The following LHFPL3 variants were observed in gnomAD, a reference collection of about 807,000 sequenced individuals.
The protein encoded by LHFPL3 is LHFPL tetraspan subfamily member 3, also known as LHFPL tetraspan subfamily member 3 protein.
In LHFPL3, 5 loss-of-function variants were observed where a neutral mutation model predicts 19.3. The ratio of observed to expected loss-of-function variants is 0.26; its 90% CI spans 0.14 to 0.54. The LOEUF (loss-of-function observed/expected upper bound fraction) is 0.54. LHFPL3 is among the 20% of genes least tolerant of loss of function. LHFPL3 has a pLI of 0.94. For synonymous variants in LHFPL3, 133 were observed against 126.2 expected (o/e 1.05, Z -0.36); for missense variants, 249 against 307.4 (o/e 0.81, Z 1.42).
At chr7:104,540,371 G>T (rs1336212728) in intron 1 of LHFPL3, among the ~76,000 whole-genome samples, 2 of 152,124 alleles carry the variant, frequency 1.3e-5, no homozygotes, top group South Asian at 2.1e-4. Context: ...GGGACATTTG[G>T]CAATGAGTGA....
At chr7:104,364,605 G>A (rs1562875613) in intron 1 of LHFPL3, among the ~76,000 whole-genome samples, 1 of 152,182 alleles carries the variant, frequency 6.6e-6, no homozygotes, top group Non-Finnish European at 1.5e-5. Context: ...ACTAGATTTA[G>A]GTGTTGGGAG....
At chr7:104,640,281 A>G (rs561924071) in intron 1 of LHFPL3, among the ~76,000 whole-genome samples, 2 of 151,606 alleles carry the variant, frequency 1.3e-5, no homozygotes, top group Middle Eastern at 6.8e-3. Context: ...CTTTCTCCCA[A>G]CCCTCCAACA....
chr7:104,393,976 A>G (rs1026307102), intron 1 of LHFPL3, among the ~76,000 whole-genome samples: 3 of 152,144 alleles, frequency 2.0e-5, no homozygotes, highest in African/African-American at 4.8e-5. Flanking sequence ...TATTAATGGG[A>G]TGGATTTCTT....
intron 1 of LHFPL3, among the ~76,000 whole-genome samples, chr7:104,637,296 A>T (rs1214144910): frequency 6.6e-6 from 1 of 152,188 alleles, no homozygotes; most frequent in Non-Finnish European, 1.5e-5. Flanking sequence ...TGTCTGATGC[A>T]TAGTTTGCAA....
chr7:104,591,870 T>A (rs185164934), intron 1 of LHFPL3, among the ~76,000 whole-genome samples: 39 of 152,328 alleles, frequency 2.6e-4, no homozygotes, highest in Admixed American at 5.2e-4. Context: ...TCATTAGATC[T>A]TCAATCACTG....
chr7:104,716,426 C>A (rs554158527), intron 1 of LHFPL3, among the ~76,000 whole-genome samples: 1 of 151,382 alleles, frequency 6.6e-6, no homozygotes, highest in Non-Finnish European at 1.5e-5. Flanking sequence ...TAGGGAAAAC[C>A]TTAAAGACTC....
intron 1 of LHFPL3, among the ~76,000 whole-genome samples, chr7:104,333,111 G>C (rs1045766776): frequency 1.3e-5 from 2 of 152,052 alleles, no homozygotes; most frequent in African/African-American, 4.8e-5. Flanking sequence ...CTATGTTCTT[G>C]TTCTCTTTAA....
intron 1 of LHFPL3, among the ~76,000 whole-genome samples, chr7:104,545,842 G>A (rs1794570110): frequency 6.6e-6 from 1 of 152,200 alleles, no homozygotes; most frequent in Non-Finnish European, 1.5e-5. Flanking sequence ...TCATGGGTCA[G>A]CATCCTGCCT....
chr7:104,881,049 A>G lies in LHFPL3; in HGVS notation c.683-25138A>G, dbSNP rs1392721595. 2.0e-5 allele frequency among the ~76,000 whole-genome samples: 3 copies of G among 151,958 alleles called. No individual in the cohort carries two copies. The East Asian group carries it at 5.8e-4, about 29-fold the overall frequency. On this transcript the variant is annotated intron_variant, in intron 2 of 2. Transcript: ENST00000424859. ...GCCGGGCGTGCTAGCAGGCACCTGTAGTCCCAGCTACTTGGGAGGCTGAGG... is the reference window on the plus strand; with the variant it reads ...GCCGGGCGTGCTAGCAGGCACCTGTGGTCCCAGCTACTTGGGAGGCTGAGG...
intron 1 of LHFPL3, among the ~76,000 whole-genome samples, chr7:104,415,893 G>A (rs190398026): frequency 2.0e-5 from 3 of 152,286 alleles, no homozygotes; most frequent in Admixed American, 6.5e-5. Flanking sequence ...GTGTAAGGAC[G>A]TCTCACTGCT....
Position 104,655,204 on chromosome 7 carries a change from T to C in LHFPL3, c.446-81471T>C, listed in dbSNP as rs144247755. On this transcript the variant is annotated intron_variant, in intron 1 of 2. Transcript: ENST00000424859. ...AATGTCTTTTATTTTTCACTCCATA[T>C]GCTTGTTCTGTCTCTTCGGTTGTCT... 5.4e-4 allele frequency among the ~76,000 whole-genome samples: 83 copies of C among 152,352 alleles called. 1 individual carries two copies. The highest frequency in any genetic ancestry group is 1.9e-3 in the African/African-American group (77 of 41,578).
At chr7:104,890,349 A>C (rs1792221200) in intron 2 of LHFPL3, among the ~76,000 whole-genome samples, 1 of 152,230 alleles carries the variant, frequency 6.6e-6, no homozygotes, top group Non-Finnish European at 1.5e-5. Flanking sequence ...CCTGCAGAGC[A>C]GACAGGAGGC....
At chr7:104,430,472 T>TGAGGCGGA (rs1791979520) in intron 1 of LHFPL3, among the ~76,000 whole-genome samples, 1 of 40,828 alleles carries the variant, frequency 2.4e-5, no homozygotes, top group African/African-American at 1.3e-4. Context: ...TTTTTTTTTT[T>TGAGGCGGA]TTTTTTTTTT....
chr7:104,814,195 A>T (rs866456068), intron 2 of LHFPL3, among the ~76,000 whole-genome samples: 16 of 151,988 alleles, frequency 1.1e-4, no homozygotes, highest in African/African-American at 3.9e-4. Context: ...AGTCATCCCA[A>T]CAAGTGTTCA....
chr7:104,436,636 A>C (rs967291723), intron 1 of LHFPL3, among the ~76,000 whole-genome samples: 8 of 152,204 alleles, frequency 5.3e-5, no homozygotes, highest in Non-Finnish European at 1.0e-4. Context: ...TGATGGCTGA[A>C]ATATATAACT....
intron 2 of LHFPL3, among the ~76,000 whole-genome samples, chr7:104,740,284 A>C (rs572478770): frequency 1.4e-4 from 22 of 152,328 alleles, no homozygotes; most frequent in African/African-American, 5.3e-4. Context: ...AACAAATGCA[A>C]TGGTCTACCA....
chr7:104,367,683 GA>G (rs941395460), intron 1 of LHFPL3, among the ~76,000 whole-genome samples: 3 of 151,864 alleles, frequency 2.0e-5, no homozygotes, highest in African/African-American at 7.3e-5. Context: ...CATAATATTA[GA>G]AAAAAAATGT....
intron 1 of LHFPL3, among the ~76,000 whole-genome samples, chr7:104,516,485 GTAAT>G (rs780499185): frequency 2.0e-5 from 3 of 152,028 alleles, no homozygotes; most frequent in Non-Finnish European, 4.4e-5. Flanking sequence ...AGCATTACAT[GTAAT>G]TAATTTTATT....
chr7:104,867,652 A>G (rs1791753170), intron 2 of LHFPL3, among the ~76,000 whole-genome samples: 1 of 152,236 alleles, frequency 6.6e-6, no homozygotes, highest in Admixed American at 6.5e-5. Flanking sequence ...CAGAGGTACA[A>G]GGAGGAGCTG....
Sources: allele counts gnomAD v4.1 joint callset (sites outside exome capture counted in the v4.1 genomes callset), GRCh38; gene constraint gnomAD v4.1.1; transcripts MANE v1.5; gene names NCBI Gene and HGNC (gene_info 2026-07-23, HGNC 2026-07-21).